The following PAX2 variants were observed in gnomAD, a reference collection of about 807,000 sequenced individuals.
PAX2 encodes paired box 2.
PAX2 carries 9 observed loss-of-function variants against 41.7 expected under a neutral mutation model. The observed-to-expected ratio is 0.22, with a 90% CI of 0.13 to 0.38. The LOEUF is 0.38. Among genes scored for constraint, PAX2 ranks in the 10% least tolerant of loss-of-function variants. The probability of loss-of-function intolerance (pLI) is 1.00; values close to 1 mark genes in which losing one functional copy is unlikely to be tolerated. For missense variants in PAX2, 418 were observed against 531.6 expected (o/e 0.79, Z 2.10); for synonymous variants, 221 against 212.7 (o/e 1.04, Z -0.34).
exon 1 of PAX2, chr10:100,735,540 C>T: frequency 2.6e-6 from 1 of 388,044 alleles, no homozygotes; most frequent in East Asian, 5.9e-5. Context: ...GGGCGGAGCA[C>T]ACAGCCGTGG....
chr10:100,824,932 T>A lies in PAX2; in HGVS notation c.1021+183T>A. Reference sequence around the variant, plus strand: ...GCAGTTGGTCCCTCATCCTCCCTCATGAGCAAGCCGGGGAGGAAGCTTGCA... The same window carrying A: ...GCAGTTGGTCCCTCATCCTCCCTCAAGAGCAAGCCGGGGAGGAAGCTTGCA... On this transcript the variant is annotated intron_variant, in intron 8 of 9. Coordinates refer to ENST00000355243, the MANE Select transcript of PAX2 (RefSeq NM_000278.5). The surrounding 1 kb of genome is among the most constrained non-coding windows in gnomAD (Gnocchi z 6.6). The A allele has an allele frequency of 6.2e-7, 1 of 1,614,138 alleles. No individual in the cohort carries two copies. Among genetic ancestry groups the A allele is most frequent in the Non-Finnish European group, 8.5e-7 (1 of 1,180,008 alleles).
intron 5 of PAX2, among the ~76,000 whole-genome samples, chr10:100,804,535 C>T (rs779784173): frequency 6.6e-6 from 1 of 152,126 alleles, no homozygotes; most frequent in East Asian, 1.9e-4. Flanking sequence ...CAATAGGACA[C>T]GCAAATAGCT....
intron 5 of PAX2, among the ~76,000 whole-genome samples, chr10:100,794,225 G>A (rs1196567940): frequency 6.6e-6 from 1 of 152,252 alleles, no homozygotes; most frequent in Non-Finnish European, 1.5e-5. Context: ...TTTGTTTGCA[G>A]CATCACTTTA....
intron 5 of PAX2, among the ~76,000 whole-genome samples, chr10:100,799,410 A>G (rs1847459929): frequency 6.6e-6 from 1 of 152,226 alleles, no homozygotes; most frequent in Admixed American, 6.5e-5. Context: ...AACTAACAGT[A>G]TCACTTTTGC....
chr10:100,745,135 G>A (rs546563154), upstream of PAX2, among the ~76,000 whole-genome samples: 131 of 152,288 alleles, frequency 8.6e-4, 1 homozygote, highest in African/African-American at 2.9e-3. Context: ...GCAGGGCTGG[G>A]CGAGTTAGAA....
In PAX2 at chr10:100,806,324, G is replaced by A; in HGVS notation, c.617-106G>A. 3.4e-6 allele frequency: 4 copies of A among 1,166,910 alleles called. No individual in the cohort carries two copies. In the South Asian group the frequency reaches 3.7e-5, roughly 11 times the overall value. The allele number at this position is 1,166,910 out of a possible 1,614,324, so 72.3% of individuals were successfully genotyped here. On this transcript the variant is annotated intron_variant, in intron 5 of 9. Coordinates refer to ENST00000355243, the MANE Select transcript of PAX2 (RefSeq NM_000278.5). ...TGAGAGTAAGGGGTCCCATAGGGGT[G>A]CAGAGCTCCTGGGCCCGGAACCAGA... is the stretch of plus-strand genomic sequence containing the variant.
intron 3 of PAX2, among the ~76,000 whole-genome samples, chr10:100,778,797 G>T (rs1036437921): frequency 3.3e-5 from 5 of 152,182 alleles, no homozygotes; most frequent in Non-Finnish European, 7.3e-5. Flanking sequence ...TGCAATCCAA[G>T]TAAGAACCTC....
At chr10:100,738,433 C>T (rs370155738) in intron 1 of PAX2, among the ~76,000 whole-genome samples, 1 of 152,170 alleles carries the variant, frequency 6.6e-6, no homozygotes, top group African/African-American at 2.4e-5. Flanking sequence ...CCATCTCAGC[C>T]CCGCCTGGAA....
chr10:100,819,267 G>C (rs907147121), intron 7 of PAX2, among the ~76,000 whole-genome samples: 2 of 147,584 alleles, frequency 1.4e-5, no homozygotes, highest in South Asian at 2.2e-4. Context: ...AAAGGGGGGG[G>C]AGTTTAAAAA....
chr10:100,759,378 G>A (rs1026867521), intron 3 of PAX2, among the ~76,000 whole-genome samples: 12 of 152,198 alleles, frequency 7.9e-5, no homozygotes, highest in Admixed American at 6.5e-4. Flanking sequence ...TGAGTGTGCC[G>A]CAATGGTCTG....
At chr10:100,801,805 G>A (rs961598989) in intron 5 of PAX2, among the ~76,000 whole-genome samples, 2 of 152,260 alleles carry the variant, frequency 1.3e-5, no homozygotes, top group African/African-American at 4.8e-5. Context: ...CCAGGCTGCA[G>A]AGTGAAATGA....
Position 100,809,232 on chromosome 10 carries a change from G to C in PAX2, c.915G>C (p.Val305=), listed in dbSNP as rs754252858. The part of the protein sequence containing the change: ...NVSGTQTYPV[V]TGRDMASTTL... ...CAGGCACACAGACATACCCAGTTGT[G>C]ACTGGTAAGGGGGCTTCCAGGAGGG... The change falls in exon 7 of 10, where the codon GTG becomes GTC. Residue 305 remains valine, a synonymous_variant. Transcript: ENST00000355243. 2.5e-5 allele frequency: 41 copies of C among 1,613,354 alleles called. No individual in the cohort carries two copies. The highest frequency in any genetic ancestry group is 3.2e-5 in the Non-Finnish European group (38 of 1,179,812).
At chr10:100,746,407 AG>A in intron 1 of PAX2, 104 bp downstream of exon 1, 7 of 828,880 alleles carry the variant, frequency 8.4e-6, no homozygotes, top group Non-Finnish European at 1.5e-5. Context: ...CCCATCTTGG[AG>A]GCCTCCCTGG....
chr10:100,773,094 T>C (rs1000955441), intron 3 of PAX2, among the ~76,000 whole-genome samples: 1 of 152,248 alleles, frequency 6.6e-6, no homozygotes, highest in Non-Finnish European at 1.5e-5. Flanking sequence ...AAGGGATTAG[T>C]CCCTGGGATT....
intron 5 of PAX2, among the ~76,000 whole-genome samples, chr10:100,805,918 T>C (rs1847765170): frequency 6.6e-6 from 1 of 152,178 alleles, no homozygotes; most frequent in South Asian, 2.1e-4. Context: ...AGGGCGAAGT[T>C]GATTACTTCA....
intron 3 of PAX2, among the ~76,000 whole-genome samples, chr10:100,765,923 AT>A: frequency 8.1e-6 from 1 of 123,844 alleles, no homozygotes; most frequent in Admixed American, 7.4e-5. Context: ...ATTTATCATC[AT>A]CATCATCATC....
At chr10:100,819,425 C>G (rs2133975706) in intron 7 of PAX2, among the ~76,000 whole-genome samples, 1 of 151,982 alleles carries the variant, frequency 6.6e-6, no homozygotes, top group African/African-American at 2.4e-5. Flanking sequence ...TAAAAATTAG[C>G]CAGGCATGGT....
upstream of PAX2, among the ~76,000 whole-genome samples, chr10:100,743,833 C>T (rs1845048751): frequency 6.6e-6 from 1 of 152,218 alleles, no homozygotes; most frequent in South Asian, 2.1e-4. Flanking sequence ...AACCTCTAGC[C>T]CAAGGGAACC....
Position 100,806,499 on chromosome 10 carries a change from G to T in PAX2, c.686G>T (p.Arg229Leu), listed in dbSNP as rs753350907. 6.2e-7 allele frequency: 1 copy of T among 1,614,226 alleles called. No individual in the cohort carries two copies. Among genetic ancestry groups the T allele is most frequent in the Non-Finnish European group, 8.5e-7 (1 of 1,180,036 alleles). The change falls in exon 6 of 10, where the codon CGA becomes CTA. Residue 229 changes from arginine to leucine, a missense_variant. By Grantham distance (102) the Arg-to-Leu change is moderately radical. Coordinates refer to ENST00000355243, the MANE Select transcript of PAX2 (RefSeq NM_000278.5). ...GTGGACAGTTTGCGGAAGCACTTGC[G>T]AGCTGACACCTTCACCCAGCAGCAG... ...SGVDSLRKHL[R>L]ADTFTQQQLE...
Sources: gnomAD v4.1 joint callset for allele counts (sites outside exome capture counted in the v4.1 genomes callset) on GRCh38, gnomAD v4.1.1 for gene constraint, Gnocchi (gnomAD v3.1) non-coding constraint, MANE v1.5 for transcripts, NCBI Gene and HGNC (gene_info 2026-07-23, HGNC 2026-07-21) for gene names.